The following AHNAK variants were observed in gnomAD, a reference collection of about 807,000 sequenced individuals.
AHNAK encodes AHNAK nucleoprotein.
Under a neutral mutation model 37.8 loss-of-function variants are expected in AHNAK, and 23 were observed. The ratio of observed to expected loss-of-function variants is 0.61; its 90% confidence interval spans 0.44 to 0.86. The LOEUF (loss-of-function observed/expected upper bound fraction) is 0.86, where lower values mean the gene tolerates loss of function less well. Ranked by LOEUF, AHNAK falls within the 40% of genes least tolerant of loss-of-function variation. AHNAK has a pLI of 0.00. For missense variants in AHNAK, 7,411 were observed against 7,319.4 expected (o/e 1.01, Z -0.46); for synonymous variants, 2,481 against 2,636.3 (o/e 0.94, Z 1.80).
chr11:62,464,266 C>A (rs1938857332), intron 5 of AHNAK, among the ~76,000 whole-genome samples: 1 of 150,890 alleles, frequency 6.6e-6, no homozygotes. Flanking sequence ...CTATGTTGAT[C>A]CGGCTGGTCT....
chr11:62,433,919 A>G (rs763820707), intron 5 of AHNAK: 4 of 1,610,356 alleles, frequency 2.5e-6, no homozygotes, highest in Non-Finnish European at 2.5e-6. Context: ...AGAGATTTAT[A>G]TTCAACACAC....
At chr11:62,433,697 G>T (rs554980595) in exon 6 of AHNAK, 2 of 691,964 alleles carry the variant, frequency 2.9e-6, no homozygotes, top group African/African-American at 1.8e-5. Context: ...AGCAGCCCTC[G>T]GTCTGGCCTG....
In AHNAK at chr11:62,519,699, C is replaced by G; in HGVS notation, c.14718G>C (p.Met4906Ile). Residue 4906 changes from methionine to isoleucine, a missense_variant, in exon 5 of 5, where the codon ATG becomes ATC. Coordinates refer to ENST00000378024, the MANE Select transcript of AHNAK (RefSeq NM_001620.3). The stretch of plus-strand genomic sequence containing the variant: ...TAGGAGCAGATATCTCCAGCGATGG[C>G]ATCTTCAAAGATGGGCCACTGAGTT... Reference protein sequence around the residue: ...DAKLSGPSLKMPSLEISAPKV... With the variant: ...DAKLSGPSLKIPSLEISAPKV... 6.2e-7 allele frequency: 1 copy of G among 1,614,030 alleles called. No homozygotes were observed.
At position 62,529,483 on chromosome 11, in the gene AHNAK, T is replaced by C; in HGVS notation, c.4934A>G (p.Glu1645Gly). Reference protein sequence around the residue: ...KLKGPKFKMPEMHFKAPKISM... With the variant: ...KLKGPKFKMPGMHFKAPKISM... ...GATCTTGGGGGCCTTGAAATGCATC[T>C]CAGGCATCTTAAACTTGGGGCCCTT... The change falls in exon 5 of 5, where the codon GAG becomes GGG. Residue 1645 changes from glutamate (E) to glycine (G), a missense_variant. Coordinates refer to ENST00000378024, the MANE Select transcript of AHNAK (RefSeq NM_001620.3). 7.4e-6 allele frequency: 12 copies of C among 1,614,168 alleles called. No individual in the cohort carries two copies. Among genetic ancestry groups the C allele is most frequent in the Non-Finnish European group, 1.0e-5 (12 of 1,180,038 alleles).
At position 62,539,734 on chromosome 11, in the gene AHNAK, T is replaced by C. The variant is rs923839110; in HGVS notation, c.-99-3167A>G. On this transcript the variant is annotated intron_variant, in intron 1 of 4. Transcript: ENST00000378024. ...CAATAGCCCGTGAGGACGGGAGCCA[T>C]TGGACCCGAAGCTGCAGGTTGGCCC... 3.9e-5 allele frequency among the ~76,000 whole-genome samples: 6 copies of C among 152,262 alleles called. 1 individual carries two copies. Among genetic ancestry groups the C allele is most frequent in the African/African-American group, 1.4e-4 (6 of 41,552 alleles).
downstream of AHNAK, among the ~76,000 whole-genome samples, chr11:62,513,158 C>T (rs1939944641): frequency 6.6e-6 from 1 of 152,228 alleles, no homozygotes; most frequent in African/African-American, 2.4e-5. Flanking sequence ...CAGCCCCTTC[C>T]CAGTCTCCTG....
intron 4 of AHNAK, among the ~76,000 whole-genome samples, chr11:62,509,204 T>G (rs1939864710): frequency 6.6e-6 from 1 of 151,976 alleles, no homozygotes; most frequent in African/African-American, 2.4e-5. Context: ...TCTAGAAAAC[T>G]GGTCCCACAC....
chr11:62,502,020 G>A (rs529850398), intron 4 of AHNAK, among the ~76,000 whole-genome samples: 118 of 152,266 alleles, frequency 7.7e-4, no homozygotes, highest in African/African-American at 2.7e-3. Flanking sequence ...ACCCATTTCG[G>A]ACCAAACTGG....
Position 62,532,237 on chromosome 11 carries a change from T to C in AHNAK, c.2180A>G (p.Lys727Arg), listed in dbSNP as rs766714515. 8.1e-6 allele frequency: 13 copies of C among 1,613,856 alleles called. No homozygotes were observed. The Middle Eastern group carries it at 4.9e-4, about 61-fold the overall frequency. Residue 727 changes from lysine to arginine, a missense_variant, in exon 5 of 5, where the codon AAA becomes AGA. Physicochemically the swap from Lys to Arg is conservative, Grantham distance 26. Transcript: ENST00000378024. ...VTVPKLEGEL[K>R]GPKVDIDAPD... ...GGCATCAATGTCCACTTTTGGGCCT[T>C]TGAGTTCTCCTTCCAGCTTTGGTAC...
intron 1 of AHNAK, among the ~76,000 whole-genome samples, chr11:62,543,896 T>C (rs919961978): frequency 2.0e-5 from 3 of 152,286 alleles, no homozygotes; most frequent in South Asian, 2.1e-4. Context: ...GAGAGAAACT[T>C]TGGGGCCTCG....
At chr11:62,443,032 C>T (rs1335632482) in intron 5 of AHNAK, among the ~76,000 whole-genome samples, 5 of 148,616 alleles carry the variant, frequency 3.4e-5, no homozygotes, top group Non-Finnish European at 6.0e-5. Flanking sequence ...AGTGCGGTGG[C>T]GTGATCTTGG....
At position 62,531,830 on chromosome 11, in the gene AHNAK, C is replaced by T. The variant is rs777982069; in HGVS notation, c.2587G>A (p.Val863Ile). The T allele has an allele frequency of 9.3e-6, 15 of 1,613,576 alleles. No individual in the cohort carries two copies. The highest frequency in any genetic ancestry group is 1.3e-5 in the Non-Finnish European group (15 of 1,179,980). ...GGGCCTTGAACCTCCACATCTGGGACATCAATGTCCATTTTGGCACTTTTA... is the reference window on the plus strand; with the variant it reads ...GGGCCTTGAACCTCCACATCTGGGATATCAATGTCCATTTTGGCACTTTTA... ...ELKSAKMDID[V>I]PDVEVQGPDW... The change falls in exon 5 of 5, where the codon GTC becomes ATC. Residue 863 changes from valine to isoleucine, a missense_variant. Transcript: ENST00000378024.
intron 5 of AHNAK, among the ~76,000 whole-genome samples, chr11:62,456,439 T>C (rs1192613751): frequency 1.3e-5 from 2 of 152,216 alleles, no homozygotes; most frequent in African/African-American, 4.8e-5. Flanking sequence ...ATAGGGAACA[T>C]TATTACCCCA....
Position 62,524,021 on chromosome 11 carries a change from G to A in AHNAK, c.10396C>T (p.His3466Tyr), listed in dbSNP as rs770233145. ...VNLNAPDVDV[H>Y]GPDWNLKMPK... is the part of the protein sequence containing the mutation. The stretch of plus-strand genomic sequence containing the variant: ...ATTTTCAGATTCCAGTCTGGACCAT[G>A]AACATCCACATCAGGTGCATTAAGA... The change falls in exon 5 of 5, where the codon CAT (histidine) becomes TAT (tyrosine). Residue 3466 changes from histidine (H) to tyrosine (Y), a missense_variant. Transcript: ENST00000378024. 1.2e-6 allele frequency: 2 copies of A among 1,614,134 alleles called. No individual in the cohort carries two copies. The highest frequency in any genetic ancestry group is 2.2e-5 in the East Asian group (1 of 44,884).
intron 4 of AHNAK, among the ~76,000 whole-genome samples, chr11:62,498,619 T>C (rs78564359): frequency 6.8e-6 from 1 of 147,820 alleles, no homozygotes; most frequent in Non-Finnish European, 1.5e-5. Flanking sequence ...AAAAAAGAAA[T>C]TTTTTTTTAT....
At position 62,518,657 on chromosome 11, in the gene AHNAK, C is replaced by T. The variant is rs759739674; in HGVS notation, c.15760G>A (p.Glu5254Lys). 9.9e-6 allele frequency: 16 copies of T among 1,614,044 alleles called. No homozygotes were observed. The highest frequency in any genetic ancestry group is 3.3e-5 in the Admixed American group (2 of 59,992). ...AGAGAGGGTAGCTGGGCATGGACCTCGGCTCCCCCACCCTCCATTTTCACA... is the reference window on the plus strand; with the variant it reads ...AGAGAGGGTAGCTGGGCATGGACCTTGGCTCCCCCACCCTCCATTTTCACA... ...PGVKMEGGGA[E>K]VHAQLPSLEG... Residue 5254 changes from glutamate to lysine, a missense_variant, in exon 5 of 5, where the codon GAG becomes AAG. Physicochemically the swap from Glu to Lys is moderately conservative, Grantham distance 56. Coordinates refer to ENST00000378024, the MANE Select transcript of AHNAK (RefSeq NM_001620.3).
In AHNAK at chr11:62,528,505, T is replaced by G. The variant is rs751928323; in HGVS notation, c.5912A>C (p.Lys1971Thr). 8 of 1,612,446 alleles carry G rather than the reference T, an allele frequency of 5.0e-6. No individual in the cohort carries two copies. The highest frequency in any genetic ancestry group is 6.8e-6 in the Non-Finnish European group (8 of 1,179,710). Residue 1971 changes from lysine (K) to threonine (T), a missense_variant, in exon 5 of 5, where the codon AAG becomes ACG. Transcript: ENST00000378024. ...CATCTTAAACTTGGGCCCTTTCAAC[T>G]TTGCATCAGGACACTCCAGCTCAAC... ...PDVELECPDA[K>T]LKGPKFKMPE...
At chr11:62,503,162 T>C (rs1192888936) in intron 4 of AHNAK, among the ~76,000 whole-genome samples, 7 of 152,186 alleles carry the variant, frequency 4.6e-5, no homozygotes, top group Non-Finnish European at 5.9e-5. Context: ...CTGACTCCCA[T>C]GTTTTTTCCT....
At chr11:62,534,831 G>GA (rs1940889224) in intron 4 of AHNAK, among the ~76,000 whole-genome samples, 172 bp downstream of exon 4, 1 of 152,192 alleles carries the variant, frequency 6.6e-6, no homozygotes, top group African/African-American at 2.4e-5. Flanking sequence ...CATGTCACAC[G>GA]AAAGCGGAAA....
Sources: allele counts gnomAD v4.1 joint callset (sites outside exome capture counted in the v4.1 genomes callset), GRCh38; gene constraint gnomAD v4.1.1; transcripts MANE v1.5; gene names NCBI Gene and HGNC (gene_info 2026-07-23, HGNC 2026-07-21).